The following ITGA9 variants were observed in gnomAD, a reference collection of about 807,000 sequenced individuals.
ITGA9 encodes the protein integrin alpha-9.
ITGA9 carries 56 observed loss-of-function variants against 127.8 expected under a neutral mutation model. The observed-to-expected ratio is 0.44, with a 90% CI of 0.35 to 0.55. The LOEUF (loss-of-function observed/expected upper bound fraction) is 0.55. Among genes scored for constraint, ITGA9 ranks in the 20% least tolerant of loss-of-function variants. ITGA9 has a pLI of 0.00. For synonymous variants in ITGA9, 508 were observed against 514.5 expected (o/e 0.99, Z 0.17); for missense variants, 1,196 against 1,347.1 (o/e 0.89, Z 1.76).
chr3:37,519,363 T>C lies in ITGA9; in HGVS notation c.1236+9T>C, dbSNP rs754009214. On this transcript the variant is annotated intron_variant, in intron 11 of 27. Transcript: ENST00000264741. ...TCCCTCAGTACTCAATGGTAATTAG[T>C]GTGAGAGTGATATGGCAACTGTTCA... 2 of 1,597,984 alleles carry C rather than the reference T, an allele frequency of 1.3e-6. No homozygotes were observed. The highest frequency in any genetic ancestry group is 1.1e-5 in the South Asian group (1 of 90,556).
intron 15 of ITGA9, among the ~76,000 whole-genome samples, chr3:37,593,743 C>T (rs1699842912): frequency 1.3e-5 from 2 of 152,222 alleles, no homozygotes; most frequent in African/African-American, 4.8e-5. Flanking sequence ...TCTCCCCAGG[C>T]ATAGAGTCCT....
At chr3:37,680,202 G>A (rs1447894640) in intron 17 of ITGA9, among the ~76,000 whole-genome samples, 1 of 152,160 alleles carries the variant, frequency 6.6e-6, no homozygotes, top group Non-Finnish European at 1.5e-5. Context: ...CTTTCTCAGT[G>A]TTGTGAGGTT....
intron 26 of ITGA9, among the ~76,000 whole-genome samples, chr3:37,793,010 A>C (rs1697129816): frequency 6.6e-6 from 1 of 152,110 alleles, no homozygotes; most frequent in Admixed American, 6.6e-5. Flanking sequence ...AGAGATGGCC[A>C]AGGAGATGAA....
intron 4 of ITGA9, among the ~76,000 whole-genome samples, chr3:37,490,497 A>G (rs1415194073): frequency 6.6e-6 from 1 of 152,230 alleles, no homozygotes; most frequent in Non-Finnish European, 1.5e-5. Flanking sequence ...AAAGCTTTGA[A>G]AGACAGAACT....
At chr3:37,467,256 G>T (rs933025480) in intron 1 of ITGA9, among the ~76,000 whole-genome samples, 1 of 152,160 alleles carries the variant, frequency 6.6e-6, no homozygotes, top group African/African-American at 2.4e-5. Context: ...CAGGATTTGG[G>T]AAAAACCTTT....
chr3:37,641,055 G>A (rs1048868039), intron 16 of ITGA9, among the ~76,000 whole-genome samples: 4 of 152,150 alleles, frequency 2.6e-5, no homozygotes, highest in African/African-American at 9.7e-5. Context: ...CCTCTGAGGG[G>A]GGTCCCGTCT....
At chr3:37,710,097 G>A (rs1457508480) in intron 18 of ITGA9, among the ~76,000 whole-genome samples, 1 of 152,202 alleles carries the variant, frequency 6.6e-6, no homozygotes, top group Non-Finnish European at 1.5e-5. Context: ...AGCTCAGAAT[G>A]TGCCAGGGAG....
chr3:37,700,734 A>G (rs1332481931), intron 18 of ITGA9, among the ~76,000 whole-genome samples: 6 of 152,210 alleles, frequency 3.9e-5, no homozygotes, highest in Admixed American at 1.3e-4. Flanking sequence ...TTTGTTGAAT[A>G]AACTAATGGA....
chr3:37,653,926 T>A (rs940895030), intron 17 of ITGA9, 136 bp downstream of exon 17: 5 of 683,324 alleles, frequency 7.3e-6, no homozygotes, highest in African/African-American at 7.3e-5. Flanking sequence ...TCTGTGGTTT[T>A]AAAAAAATGT....
At chr3:37,710,064 T>TG (rs1161036709) in intron 18 of ITGA9, among the ~76,000 whole-genome samples, 4 of 152,216 alleles carry the variant, frequency 2.6e-5, no homozygotes, top group African/African-American at 9.7e-5. Flanking sequence ...TTTACTTTTC[T>TG]GGATTTATTT....
chr3:37,767,186 G>C (rs1276440586), intron 23 of ITGA9, among the ~76,000 whole-genome samples: 4 of 152,200 alleles, frequency 2.6e-5, no homozygotes. Flanking sequence ...ATCATGAGAA[G>C]TGAAATTGTT....
chr3:37,785,138 A>C, intron 26 of ITGA9, 60 bp downstream of exon 26: 1 of 1,191,244 alleles, frequency 8.4e-7, no homozygotes, highest in Non-Finnish European at 1.3e-6. Context: ...GGTGACTTGG[A>C]GACCTGGAGC....
chr3:37,607,725 A>G (rs1699981449), intron 15 of ITGA9, among the ~76,000 whole-genome samples: 1 of 152,208 alleles, frequency 6.6e-6, no homozygotes, highest in Non-Finnish European at 1.5e-5. Context: ...GAAAGGGGTT[A>G]AAATGTCTGG....
intron 15 of ITGA9, among the ~76,000 whole-genome samples, chr3:37,554,801 G>C (rs1699414365): frequency 6.6e-6 from 1 of 152,218 alleles, no homozygotes; most frequent in Non-Finnish European, 1.5e-5. Flanking sequence ...GTTGTCACTG[G>C]TGGTGTTTTC....
At chr3:37,594,154 G>A (rs1559544586) in intron 15 of ITGA9, among the ~76,000 whole-genome samples, 2 of 152,224 alleles carry the variant, frequency 1.3e-5, no homozygotes, top group Non-Finnish European at 2.9e-5. Context: ...TGGGTCAGCA[G>A]CAGTCATTGG....
intron 26 of ITGA9, among the ~76,000 whole-genome samples, chr3:37,793,538 A>G (rs1697138981): frequency 6.6e-6 from 1 of 151,962 alleles, no homozygotes; most frequent in Non-Finnish European, 1.5e-5. Context: ...TGACCCCCGA[A>G]CAAGTATTGA....
intron 26 of ITGA9, among the ~76,000 whole-genome samples, chr3:37,791,420 A>G (rs576211270): frequency 3.3e-5 from 5 of 152,256 alleles, no homozygotes; most frequent in African/African-American, 1.2e-4. Context: ...ATCAGAATGG[A>G]TTCGAAGGCT....
At position 37,744,171 on chromosome 3, in the gene ITGA9, G is replaced by A. The variant is rs531915087; in HGVS notation, c.2433+137G>A. On this transcript the variant is annotated intron_variant, in intron 22 of 27. Coordinates refer to ENST00000264741, the MANE Select transcript of ITGA9 (RefSeq NM_002207.3). The stretch of plus-strand genomic sequence containing the variant: ...CTGGTGTGGTGTGTGTGTGAGATCT[G>A]TAACCACACACAGAATGAATCCTTT... 39 of 721,088 alleles carry A rather than the reference G, an allele frequency of 5.4e-5. No individual in the cohort carries two copies. The South Asian group carries it at 5.7e-4, about 11-fold the overall frequency. 44.7% of individuals were successfully genotyped at this position (721,088 alleles called of 1,614,324 possible).
At chr3:37,455,841 C>T (rs914194332) in intron 1 of ITGA9, among the ~76,000 whole-genome samples, 3 of 152,180 alleles carry the variant, frequency 2.0e-5, no homozygotes, top group Non-Finnish European at 4.4e-5. Context: ...TCAGCACGGA[C>T]TCTGCAGGCG....
Sources: allele counts gnomAD v4.1 joint callset (sites outside exome capture counted in the v4.1 genomes callset), GRCh38; gene constraint gnomAD v4.1.1; transcripts MANE v1.5; gene names NCBI Gene and HGNC (gene_info 2026-07-23, HGNC 2026-07-21).